CDH4: variants seen among roughly 807,000 people sequenced by gnomAD.
The protein encoded by CDH4 is cadherin 4.
A neutral mutation model predicts 86.0 loss-of-function variants in CDH4; 33 were observed. The observed-to-expected ratio is 0.38, with a 90% CI of 0.29 to 0.51. The LOEUF is 0.51. Among genes scored for constraint, CDH4 ranks in the 20% least tolerant of loss-of-function variants. The probability of loss-of-function intolerance (pLI) is 0.86; values close to 1 mark genes in which losing one functional copy is unlikely to be tolerated. For missense variants in CDH4, 1,114 were observed against 1,307.4 expected, an observed-to-expected ratio of 0.85 and a Z score of 2.28; for synonymous variants, 555 against 549.4, an observed-to-expected ratio of 1.01 and a Z score of -0.14.
At chr20:61,877,209 A>T (rs79097100) in intron 7 of CDH4, among the ~76,000 whole-genome samples, 2,521 of 152,220 alleles carry the variant, frequency 0.017, 30 homozygotes, top group Non-Finnish European at 0.027. Flanking sequence ...AGGGAGGGCT[A>T]GCAGTCCCAG....
intron 9 of CDH4, among the ~76,000 whole-genome samples, chr20:61,911,410 A>C (rs940670337): frequency 6.6e-6 from 1 of 152,260 alleles, no homozygotes; most frequent in South Asian, 2.1e-4. Context: ...CTGGAAGGGC[A>C]GATTGGGAAT....
chr20:61,617,287 C>T (rs536493479), intron 2 of CDH4, among the ~76,000 whole-genome samples: 1 of 152,224 alleles, frequency 6.6e-6, no homozygotes, highest in Non-Finnish European at 1.5e-5. Flanking sequence ...ACTCTATCCG[C>T]AGATGTGTCC....
chr20:61,696,529 T>C (rs547119635), intron 2 of CDH4, among the ~76,000 whole-genome samples: 1 of 152,274 alleles, frequency 6.6e-6, no homozygotes, highest in South Asian at 2.1e-4. Context: ...AGCTCACTCC[T>C]CCACAACATG....
intron 8 of CDH4, among the ~76,000 whole-genome samples, chr20:61,909,563 G>A (rs909969809): frequency 5.9e-5 from 9 of 152,134 alleles, no homozygotes; most frequent in Non-Finnish European, 1.2e-4. Context: ...TGCCTCTTCC[G>A]GGTTCTGCTG....
intron 8 of CDH4, 126 bp downstream of exon 8, chr20:61,895,173 A>G: frequency 8.5e-7 from 1 of 1,177,694 alleles, no homozygotes; most frequent in Non-Finnish European, 1.2e-6. Context: ...GCGTGTAAGA[A>G]AGGCCCTGGG....
chr20:61,303,219 G>A (rs1214164453), intron 2 of CDH4, among the ~76,000 whole-genome samples: 2 of 152,174 alleles, frequency 1.3e-5, no homozygotes, highest in South Asian at 2.1e-4. Flanking sequence ...GTGGAGAGTG[G>A]TACCCAGGCG....
At chr20:61,561,347 C>T (rs1017673745) in intron 2 of CDH4, among the ~76,000 whole-genome samples, 6 of 152,190 alleles carry the variant, frequency 3.9e-5, no homozygotes, top group Admixed American at 2.6e-4. Flanking sequence ...GAAGCACAGG[C>T]GTCATCCCCG....
intron 2 of CDH4, among the ~76,000 whole-genome samples, chr20:61,555,847 A>G (rs1009245625): frequency 1.3e-5 from 2 of 152,206 alleles, no homozygotes; most frequent in Non-Finnish European, 2.9e-5. Flanking sequence ...ACATGATACA[A>G]TCCCGTTTCT....
At position 61,516,593 on chromosome 20, in the gene CDH4, C is replaced by T. The variant is rs1379886168; in HGVS notation, c.170-226970C>T. 6.6e-6 allele frequency among the ~76,000 whole-genome samples: 1 copy of T among 152,188 alleles called. No homozygotes were observed. Among genetic ancestry groups the T allele is most frequent in the East Asian group, 1.9e-4 (1 of 5,194 alleles). On this transcript the variant is annotated intron_variant, in intron 2 of 15. Transcript: ENST00000614565. The surrounding 1 kb of genome is among the most constrained non-coding windows in gnomAD (Gnocchi z 4.0). The stretch of plus-strand genomic sequence containing the variant: ...TCACAGCATCACAGAAAACAGTTTA[C>T]AAGGTCATCTGGCAGAAAGCTCAGT...
chr20:61,253,994 C>A (rs2123109437), intron 1 of CDH4, among the ~76,000 whole-genome samples: 1 of 152,362 alleles, frequency 6.6e-6, no homozygotes. Flanking sequence ...CCACCTCCTC[C>A]TGCCTGTCAC....
intron 2 of CDH4, among the ~76,000 whole-genome samples, chr20:61,404,793 G>GT (rs766581467): frequency 2.0e-5 from 3 of 151,702 alleles, no homozygotes; most frequent in Non-Finnish European, 4.4e-5. Flanking sequence ...GCTCACGCCT[G>GT]TAATCCCAGC....
chr20:61,273,295 A>G (rs1367869617), intron 2 of CDH4, among the ~76,000 whole-genome samples: 1 of 125,062 alleles, frequency 8.0e-6, no homozygotes, highest in Non-Finnish European at 1.6e-5. Flanking sequence ...TTGGGGAAGT[A>G]CCATGTGCAG....
intron 4 of CDH4, among the ~76,000 whole-genome samples, chr20:61,839,901 CTGTGTGTG>C (rs145568741): frequency 3.4e-5 from 5 of 147,664 alleles, no homozygotes; most frequent in Middle Eastern, 3.5e-3. Context: ...TATGTGTGTA[CTGTGTGTG>C]TGTGTGTGTC....
chr20:61,935,779 G>A (rs538852289), intron 15 of CDH4, among the ~76,000 whole-genome samples: 247 of 152,322 alleles, frequency 1.6e-3, no homozygotes, highest in Non-Finnish European at 2.9e-3. Context: ...CCCACTACTT[G>A]GGAGGCTGAG....
At chr20:61,858,223 CTG>C (rs1389615461) in intron 6 of CDH4, among the ~76,000 whole-genome samples, 7 of 141,064 alleles carry the variant, frequency 5.0e-5, no homozygotes, top group African/African-American at 8.0e-5. Flanking sequence ...GTCTGTGTCT[CTG>C]TGTCTGTGTG....
chr20:61,666,132 G>T (rs2087321356), intron 2 of CDH4, among the ~76,000 whole-genome samples: 1 of 152,174 alleles, frequency 6.6e-6, no homozygotes, highest in Non-Finnish European at 1.5e-5. Context: ...CTTAATCCTG[G>T]CTTGCAAGTA....
intron 2 of CDH4, among the ~76,000 whole-genome samples, chr20:61,463,867 G>A (rs747334256): frequency 2.2e-4 from 34 of 152,194 alleles, no homozygotes; most frequent in Admixed American, 3.9e-4. Flanking sequence ...TAGGCCATCA[G>A]GGGATCAGGG....
chr20:61,425,361 C>T (rs571344391), intron 2 of CDH4, among the ~76,000 whole-genome samples: 100 of 151,592 alleles, frequency 6.6e-4, no homozygotes, highest in Non-Finnish European at 1.1e-3. Flanking sequence ...GGAAGCGAGC[C>T]GGCCAAGGGA....
At chr20:61,922,074 A>G (rs1345470731) in intron 9 of CDH4, among the ~76,000 whole-genome samples, 1 of 152,170 alleles carries the variant, frequency 6.6e-6, no homozygotes, top group East Asian at 1.9e-4. Context: ...GTGTCTCCCC[A>G]TGCAGATGTA....
Sources: allele counts gnomAD v4.1 joint callset (sites outside exome capture counted in the v4.1 genomes callset), GRCh38; gene constraint gnomAD v4.1.1; non-coding constraint Gnocchi (gnomAD v3.1); transcripts MANE v1.5; gene names NCBI Gene and HGNC (gene_info 2026-07-23, HGNC 2026-07-21).